FANCL: variants seen among roughly 807,000 people sequenced by gnomAD.
FANCL encodes FA complementation group L.
Under a neutral mutation model 59.4 loss-of-function variants are expected in FANCL, and 69 were observed. The observed-to-expected ratio is 1.16, with a 90% confidence interval of 0.96 to 1.42. FANCL has a LOEUF of 1.42. Ranked by LOEUF, FANCL falls within the 40% of genes most tolerant of loss-of-function variation. The pLI is 0.00. For synonymous variants in FANCL, 180 were observed against 147.1 expected (o/e 1.22, Z -1.62); for missense variants, 519 against 447.2 (o/e 1.16, Z -1.45).
At chr2:58,217,197 TATATATATATATATATATACACAC>T (rs1364808746) in intron 5 of FANCL, among the ~76,000 whole-genome samples, 703 of 13,554 alleles carry the variant, frequency 0.052, 35 homozygotes, top group Middle Eastern at 0.31. Flanking sequence ...TATATATATA[TATATATATATATATATATACACAC>T]ACACACACAC....
rs539257943 is a variant in FANCL, at chr2:58,187,051, A to C, written c.540+11543T>G. Among the ~76,000 whole-genome samples, 7 of 152,248 alleles carry C rather than the reference A, an allele frequency of 4.6e-5. No homozygotes were observed. The East Asian group carries it at 1.4e-3, about 29-fold the overall frequency. On this transcript the variant is annotated intron_variant, in intron 7 of 13. Transcript: ENST00000233741. The stretch of plus-strand genomic sequence containing the variant: ...AACTAGAAATACCATTTGACCCAGC[A>C]ATCCCATGACTGGGTATATACCCAA...
chr2:58,215,396 G>C (rs563059398), intron 5 of FANCL, among the ~76,000 whole-genome samples: 39 of 152,282 alleles, frequency 2.6e-4, no homozygotes, highest in African/African-American at 9.4e-4. Context: ...TCATAATATA[G>C]TACACTTACA....
At chr2:58,238,047 A>C (rs977280623) in intron 1 of FANCL, among the ~76,000 whole-genome samples, 2 of 152,244 alleles carry the variant, frequency 1.3e-5, no homozygotes, top group Non-Finnish European at 2.9e-5. Flanking sequence ...TATGTGAATG[A>C]GCAATCTTGG....
At chr2:58,194,789 G>A (rs571598670) in intron 7 of FANCL, among the ~76,000 whole-genome samples, 1 of 151,808 alleles carries the variant, frequency 6.6e-6, no homozygotes, top group Non-Finnish European at 1.5e-5. Context: ...GAATATGTCA[G>A]AGCAGCAGCA....
chr2:58,184,374 T>A (rs1055614795), intron 7 of FANCL, among the ~76,000 whole-genome samples: 1 of 152,062 alleles, frequency 6.6e-6, no homozygotes, highest in Admixed American at 6.6e-5. Flanking sequence ...CTACTATTAT[T>A]GTCTAAAATA....
Position 58,161,609 on chromosome 2 carries a change from A to C in FANCL, c.933T>G (p.Tyr311Ter), listed in dbSNP as rs1423411761. The C allele has an allele frequency of 5.0e-6, 8 of 1,611,364 alleles. No homozygotes were observed. Among genetic ancestry groups the C allele is most frequent in the Admixed American group, 3.3e-5 (2 of 59,876 alleles). Residue 311 changes from tyrosine to a stop codon, truncating the protein, a stop_gained, in exon 12 of 14, where the codon TAT becomes TAG. Coordinates refer to ENST00000233741, the MANE Select transcript of FANCL (RefSeq NM_018062.4). LOFTEE classifies it high-confidence loss of function. Reference sequence around the variant, plus strand: ...GAATGGTACCGTCAAGTTGATAAGCATAACAAATTCCACAATCCATAGTAA... The same window carrying C: ...GAATGGTACCGTCAAGTTGATAAGCCTAACAAATTCCACAATCCATAGTAA... ...SDFTMDCGIC[Y>*]AYQLDGTIPD... is the part of the protein sequence containing the mutation.
intron 7 of FANCL, among the ~76,000 whole-genome samples, chr2:58,174,541 G>A (rs1687066286): frequency 6.6e-6 from 1 of 152,052 alleles, no homozygotes; most frequent in African/African-American, 2.4e-5. Flanking sequence ...AATGACTACT[G>A]GGTACATAAC....
intron 5 of FANCL, 124 bp from the exon 6 acceptor site, chr2:58,204,350 G>A: frequency 1.3e-6 from 1 of 769,098 alleles, no homozygotes; most frequent in Non-Finnish European, 2.3e-6. Flanking sequence ...AAAAATCAGA[G>A]CAATTTCTGC....
At chr2:58,221,535 T>C (rs1159783258) in intron 5 of FANCL, among the ~76,000 whole-genome samples, 1 of 152,162 alleles carries the variant, frequency 6.6e-6, no homozygotes, top group African/African-American at 2.4e-5. Flanking sequence ...TATAATGTTA[T>C]ATATATGTAA....
At position 58,165,888 on chromosome 2, in the gene FANCL, G is replaced by A. The variant is rs765321485; in HGVS notation, c.541-14C>T. 1.9e-6 allele frequency: 3 copies of A among 1,612,850 alleles called. No individual in the cohort carries two copies. Among genetic ancestry groups the A allele is most frequent in the Admixed American group, 3.3e-5 (2 of 59,982 alleles). On this transcript the variant is annotated splice_polypyrimidine_tract_variant and intron_variant, in intron 7 of 13. Transcript: ENST00000233741. ...TATTAAGGAGCTCTGTGAAAAAAATGAAAGTTGAATAAGTTATATGGTACT... is the reference window on the plus strand; with the variant it reads ...TATTAAGGAGCTCTGTGAAAAAAATAAAAGTTGAATAAGTTATATGGTACT...
At chr2:58,173,781 T>A (rs548571503) in intron 7 of FANCL, among the ~76,000 whole-genome samples, 42 of 152,116 alleles carry the variant, frequency 2.8e-4, no homozygotes, top group East Asian at 2.5e-3. Flanking sequence ...AACTCACACA[T>A]AACAATATTA....
At chr2:58,217,925 T>C (rs1468788925) in intron 5 of FANCL, among the ~76,000 whole-genome samples, 2 of 152,162 alleles carry the variant, frequency 1.3e-5, no homozygotes, top group East Asian at 3.9e-4. Flanking sequence ...ATAGAACACA[T>C]ACCAAAATTG....
chr2:58,235,263 G>A (rs1306834434), intron 1 of FANCL, among the ~76,000 whole-genome samples: 2 of 152,032 alleles, frequency 1.3e-5, no homozygotes, highest in Non-Finnish European at 1.5e-5. Flanking sequence ...CCATGGATAT[G>A]AGGAAAACAC....
intron 5 of FANCL, among the ~76,000 whole-genome samples, chr2:58,212,926 G>T (rs990132055): frequency 5.3e-5 from 8 of 152,150 alleles, no homozygotes; most frequent in African/African-American, 1.4e-4. Flanking sequence ...TCTAAGGAAA[G>T]AAAGGGAAGC....
At position 58,204,160 on chromosome 2, in the gene FANCL, C is replaced by T. The variant is rs1690335065; in HGVS notation, c.441G>A (p.Glu147=). ...KLKAEDASGR[E]HLITLKLKAK... ...CCTTCAACTTGAGAGTGATTAAATG[C>T]TCTCTACCAGAAGCATCTTCTGCTT... The change falls in exon 6 of 14, where the codon GAG becomes GAA. Residue 147 remains glutamate (E), a synonymous_variant. Transcript: ENST00000233741. The T allele has an allele frequency of 6.2e-7, 1 of 1,613,262 alleles. No homozygotes were observed. The highest frequency in any genetic ancestry group is 8.5e-7 in the Non-Finnish European group (1 of 1,179,336).
intron 7 of FANCL, among the ~76,000 whole-genome samples, chr2:58,175,560 T>C (rs966172381): frequency 2.5e-4 from 38 of 152,034 alleles, no homozygotes; most frequent in Non-Finnish European, 1.0e-4. Context: ...TAGATGCAGA[T>C]AAGGCCTTTG....
chr2:58,202,369 GAACT>G (rs1690128747), intron 6 of FANCL, among the ~76,000 whole-genome samples: 2 of 147,174 alleles, frequency 1.4e-5, no homozygotes, highest in Admixed American at 6.8e-5. Flanking sequence ...TCACAATCTA[GAACT>G]AACTTTTTTT....
At chr2:58,169,437 G>A (rs1207001016) in intron 7 of FANCL, among the ~76,000 whole-genome samples, 1 of 152,030 alleles carries the variant, frequency 6.6e-6, no homozygotes, top group East Asian at 1.9e-4. Flanking sequence ...ATAAATCCAC[G>A]ACGATGAGGA....
At chr2:58,220,488 A>C (rs1386553721) in intron 5 of FANCL, among the ~76,000 whole-genome samples, 2 of 152,248 alleles carry the variant, frequency 1.3e-5, no homozygotes, top group African/African-American at 4.8e-5. Flanking sequence ...GGCAACGAAA[A>C]TAATTCTTAT....
Sources: allele counts gnomAD v4.1 joint callset (sites outside exome capture counted in the v4.1 genomes callset), GRCh38; gene constraint gnomAD v4.1.1; transcripts MANE v1.5; gene names NCBI Gene and HGNC (gene_info 2026-07-23, HGNC 2026-07-21).